LRBA: variants seen among roughly 807,000 people sequenced by gnomAD.
LRBA encodes LPS responsive beige-like anchor protein, also known as lipopolysaccharide-responsive and beige-like anchor protein.
Under a neutral mutation model 330.0 loss-of-function variants are expected in LRBA, and 176 were observed. That is an observed-to-expected ratio of 0.53 (90% CI 0.47 to 0.60). The LOEUF is 0.60. Ranked by LOEUF, LRBA falls within the 20% of genes least tolerant of loss-of-function variation. The pLI, the probability that LRBA is intolerant of heterozygous loss-of-function variation, is 0.00. For missense variants in LRBA, 3,259 were observed against 3,444.8 expected (o/e 0.95, Z 1.35); for synonymous variants, 1,230 against 1,193.0 (o/e 1.03, Z -0.64).
At chr4:150,872,898 A>G (rs932927469) in intron 17 of LRBA, 143 bp from the exon 18 acceptor site, 1 of 445,050 alleles carries the variant, frequency 2.2e-6, no homozygotes, top group South Asian at 4.1e-5. Context: ...TATATAAAAA[A>G]TCTGCTTATC....
intron 31 of LRBA, among the ~76,000 whole-genome samples, chr4:150,813,626 G>A (rs1744116249): frequency 6.6e-6 from 1 of 151,940 alleles, no homozygotes; most frequent in South Asian, 2.1e-4. Flanking sequence ...TTTTAACTCT[G>A]TTTCTGTGAT....
In LRBA at chr4:150,761,815, G is replaced by C; in HGVS notation, c.5613C>G (p.Gly1871=). ...EWQNSIQKNA[G]LAFIELVNEG... is the part of the protein sequence containing the mutation. Reference sequence around the variant, plus strand: ...CATTGACAAGTTCGATAAAAGCAAGGCCTGCATTCTTCTGAATAGAATTTT... The same window carrying C: ...CATTGACAAGTTCGATAAAAGCAAGCCCTGCATTCTTCTGAATAGAATTTT... Residue 1871 remains glycine (G), a synonymous_variant, in exon 35 of 57, where the codon GGC becomes GGG. Transcript: ENST00000651943. 2.6e-6 allele frequency: 4 copies of C among 1,537,828 alleles called. No homozygotes were observed. The highest frequency in any genetic ancestry group is 3.5e-6 in the Non-Finnish European group (4 of 1,148,192).
chr4:150,272,395 G>C (rs767814342), intron 56 of LRBA, among the ~76,000 whole-genome samples: 6 of 152,008 alleles, frequency 3.9e-5, no homozygotes, highest in Non-Finnish European at 5.9e-5. Context: ...GCTGAAAATT[G>C]CAAAAACCAG....
chr4:150,828,736 G>T, intron 29 of LRBA, 115 bp from the exon 30 acceptor site: 2 of 989,562 alleles, frequency 2.0e-6, no homozygotes, highest in Non-Finnish European at 3.0e-6. Context: ...AATACATCAT[G>T]TTCTAAAAAA....
In LRBA at chr4:150,657,751, T is replaced by C. The variant is rs1780357158; in HGVS notation, c.5921+25800A>G. On this transcript the variant is annotated intron_variant, in intron 37 of 56. Transcript: ENST00000651943. ...AAAAAACTGAGATTTTTTAACTTAA[T>C]AGTAATAACACATGTATGTTTACTA... 2.0e-5 allele frequency among the ~76,000 whole-genome samples: 3 copies of C among 152,184 alleles called. No individual in the cohort carries two copies. The South Asian group carries it at 6.2e-4, about 32-fold the overall frequency.
chr4:150,844,201 C>T lies in LRBA; in HGVS notation c.4468G>A (p.Val1490Met), dbSNP rs376769475. 6 of 1,580,288 alleles carry T rather than the reference C, an allele frequency of 3.8e-6. No individual in the cohort carries two copies. In the Admixed American group the frequency reaches 6.7e-5, roughly 18 times the overall value. The change falls in exon 28 of 57, where the codon GTG (valine) becomes ATG (methionine). Residue 1490 changes from valine to methionine, a missense_variant. Coordinates refer to ENST00000651943, the MANE Select transcript of LRBA (RefSeq NM_001364905.1). ...GATATACCGCCAGTCACAATGTCCACTGGGCTCTATTTAAGATTAAAAAAA... is the reference window on the plus strand; with the variant it reads ...GATATACCGCCAGTCACAATGTCCATTGGGCTCTATTTAAGATTAAAAAAA... ...PLGKSAAKSPVDIVTGGISPV... is the reference protein window; with the variant it reads ...PLGKSAAKSPMDIVTGGISPV...
chr4:150,976,152 G>A (rs998484947), intron 2 of LRBA, among the ~76,000 whole-genome samples: 1 of 144,870 alleles, frequency 6.9e-6, no homozygotes, highest in Non-Finnish European at 1.5e-5. Flanking sequence ...TCCAGCTTGG[G>A]TGACAGAGTG....
intron 56 of LRBA, among the ~76,000 whole-genome samples, chr4:150,271,442 G>C (rs1218226481): frequency 6.6e-6 from 1 of 150,958 alleles, no homozygotes; most frequent in Non-Finnish European, 1.5e-5. Flanking sequence ...CTCCCATGGA[G>C]CCCAGCAAGC....
At chr4:150,793,958 T>C (rs1297422512) in intron 34 of LRBA, among the ~76,000 whole-genome samples, 1 of 152,196 alleles carries the variant, frequency 6.6e-6, no homozygotes, top group East Asian at 1.9e-4. Context: ...CCAATTAGCA[T>C]ATTTATACTT....
At chr4:150,923,529 C>A (rs1579216503) in intron 4 of LRBA, among the ~76,000 whole-genome samples, 1 of 152,240 alleles carries the variant, frequency 6.6e-6, no homozygotes, top group Non-Finnish European at 1.5e-5. Flanking sequence ...CTACAATATA[C>A]CTTTACCGCA....
chr4:150,845,752 G>C (rs1230668606), intron 26 of LRBA, among the ~76,000 whole-genome samples: 1 of 152,158 alleles, frequency 6.6e-6, no homozygotes, highest in African/African-American at 2.4e-5. Context: ...CAAGAGGAGG[G>C]AAGAGAGAAT....
chr4:150,793,022 G>A (rs1188531223), intron 34 of LRBA, among the ~76,000 whole-genome samples: 1 of 152,010 alleles, frequency 6.6e-6, no homozygotes, highest in Non-Finnish European at 1.5e-5. Flanking sequence ...GGAGGTTGCA[G>A]TGAGCCAAGA....
At chr4:150,618,899 C>T (rs1776039635) in intron 37 of LRBA, among the ~76,000 whole-genome samples, 1 of 147,876 alleles carries the variant, frequency 6.8e-6, no homozygotes. Context: ...TATATATATC[C>T]TAATTCAGCA....
intron 42 of LRBA, among the ~76,000 whole-genome samples, chr4:150,479,093 G>A (rs1293368910): frequency 1.3e-5 from 2 of 151,910 alleles, no homozygotes; most frequent in Non-Finnish European, 2.9e-5. Context: ...AGATCAGCCT[G>A]GACAATGGAG....
intron 40 of LRBA, among the ~76,000 whole-genome samples, chr4:150,507,662 G>C (rs9761873): frequency 0.083 from 12,664 of 152,058 alleles, 926 homozygotes; most frequent in African/African-American, 0.19. Flanking sequence ...CAGGACACAG[G>C]CATGGGCAAG....
chr4:150,343,514 A>G (rs1321076647), intron 48 of LRBA, among the ~76,000 whole-genome samples: 2 of 152,218 alleles, frequency 1.3e-5, no homozygotes, highest in Non-Finnish European at 2.9e-5. Flanking sequence ...TTAGTAATGA[A>G]TAAAAGGATA....
chr4:150,494,167 T>C (rs1218986313), intron 40 of LRBA, among the ~76,000 whole-genome samples: 1 of 152,132 alleles, frequency 6.6e-6, no homozygotes, highest in South Asian at 2.1e-4. Flanking sequence ...TGGCAGAAAA[T>C]GGCCTATACC....
At chr4:150,722,216 T>A (rs536393587) in intron 36 of LRBA, among the ~76,000 whole-genome samples, 2 of 151,980 alleles carry the variant, frequency 1.3e-5, no homozygotes, top group East Asian at 3.9e-4. Flanking sequence ...AAAAAATATA[T>A]AAAGTTAAGC....
chr4:150,872,710 T>C lies in LRBA; in HGVS notation c.2211A>G (p.Val737=). 1.9e-6 allele frequency: 3 copies of C among 1,609,018 alleles called. No individual in the cohort carries two copies. The highest frequency in any genetic ancestry group is 2.5e-6 in the Non-Finnish European group (3 of 1,177,510). Residue 737 remains valine, a synonymous_variant, in exon 18 of 57, where the codon GTA becomes GTG. Transcript: ENST00000651943. The part of the protein sequence containing the change: ...LLASKSEGIR[V]QALKAMGYFL... ...AATAACCCATTGCCTTAAGAGCTTG[T>C]ACCCTGATTCCTTCACTTTTCGATG...
Sources: gnomAD v4.1 joint callset for allele counts (sites outside exome capture counted in the v4.1 genomes callset) on GRCh38, gnomAD v4.1.1 for gene constraint, MANE v1.5 for transcripts, NCBI Gene and HGNC (gene_info 2026-07-23, HGNC 2026-07-21) for gene names.